Variants in ARB2A observed in about 807,000 individuals in gnomAD.
ARB2A encodes ARB2 cotranscriptional regulator A.
chr5:94,006,137 C>T, the ARB2A span, among the ~76,000 whole-genome samples: 2 of 152,154 alleles, frequency 1.3e-5, no homozygotes, highest in Non-Finnish European at 2.9e-5. Context: ...ACTCAGATGT[C>T]CACCAAGCTG....
At chr5:93,968,611 C>T in the ARB2A span, among the ~76,000 whole-genome samples, 1 of 151,780 alleles carries the variant, frequency 6.6e-6, no homozygotes, top group African/African-American at 2.4e-5. Flanking sequence ...AATGAGAATA[C>T]AAGGAGGAGA....
chr5:94,031,433 T>A, the ARB2A span, among the ~76,000 whole-genome samples: 1 of 152,144 alleles, frequency 6.6e-6, no homozygotes, highest in African/African-American at 2.4e-5. Flanking sequence ...TAGGACTTAA[T>A]AGAGGGCCAA....
the ARB2A span, among the ~76,000 whole-genome samples, chr5:93,727,703 T>C: frequency 2.6e-5 from 4 of 152,126 alleles, no homozygotes; most frequent in Admixed American, 1.3e-4. Context: ...TGTTTCATTA[T>C]ATACACTTTG....
At chr5:93,751,895 T>C in the ARB2A span, among the ~76,000 whole-genome samples, 1 of 152,044 alleles carries the variant, frequency 6.6e-6, no homozygotes, top group African/African-American at 2.4e-5. Context: ...AGTGAGCTTG[T>C]GGCTTGAGAG....
the ARB2A span, among the ~76,000 whole-genome samples, chr5:93,763,555 T>C: frequency 1.3e-5 from 2 of 152,142 alleles, no homozygotes; most frequent in Non-Finnish European, 2.9e-5. Context: ...AGCAAGTCCT[T>C]AGAGACCTAC....
chr5:93,825,749 A>G, the ARB2A span, among the ~76,000 whole-genome samples: 1 of 152,164 alleles, frequency 6.6e-6, no homozygotes, highest in Non-Finnish European at 1.5e-5. Flanking sequence ...ATTATATAGC[A>G]GAAAGTTATA....
chr5:93,967,604 G>A, the ARB2A span, among the ~76,000 whole-genome samples: 4 of 152,078 alleles, frequency 2.6e-5, no homozygotes, highest in African/African-American at 9.7e-5. Flanking sequence ...TCAACCTTAA[G>A]GGGGAGGGGA....
the ARB2A span, among the ~76,000 whole-genome samples, chr5:93,996,455 A>G: frequency 7.2e-5 from 11 of 152,086 alleles, no homozygotes; most frequent in African/African-American, 2.7e-4. Context: ...AGACAACCAG[A>G]GTGTTAAACT....
the ARB2A span, among the ~76,000 whole-genome samples, chr5:93,712,023 G>A: frequency 6.6e-6 from 1 of 152,190 alleles, no homozygotes. Flanking sequence ...ATTCCTAGCT[G>A]ACTGAGAGGA....
the ARB2A span, among the ~76,000 whole-genome samples, chr5:93,767,555 T>A: frequency 6.6e-6 from 1 of 152,062 alleles, no homozygotes; most frequent in South Asian, 2.1e-4. Flanking sequence ...AGTCATTATA[T>A]GAAAAAGATA....
the ARB2A span, among the ~76,000 whole-genome samples, chr5:93,688,253 C>T: frequency 6.6e-6 from 1 of 152,170 alleles, no homozygotes; most frequent in Non-Finnish European, 1.5e-5. Context: ...GGATTACAGG[C>T]GTAAGCCACC....
chr5:93,890,035 T>C, the ARB2A span, among the ~76,000 whole-genome samples: 2 of 151,892 alleles, frequency 1.3e-5, no homozygotes, highest in East Asian at 3.9e-4. Flanking sequence ...TTCAAATCTT[T>C]CATAGAATCT....
the ARB2A span, among the ~76,000 whole-genome samples, chr5:93,949,543 G>A: frequency 1.3e-5 from 2 of 152,098 alleles, no homozygotes; most frequent in Non-Finnish European, 2.9e-5. Flanking sequence ...CCTGGCAACA[G>A]AGCGAGAGTC....
chr5:94,039,377 G>A, the ARB2A span, among the ~76,000 whole-genome samples: 1 of 152,158 alleles, frequency 6.6e-6, no homozygotes, highest in Non-Finnish European at 1.5e-5. Flanking sequence ...AAGGAAGCTA[G>A]CCAAAACCCA....
At chr5:93,653,553 A>AAAAAAAAAAAAAAAC in the ARB2A span, among the ~76,000 whole-genome samples, 1 of 130,070 alleles carries the variant, frequency 7.7e-6, no homozygotes, top group African/African-American at 3.0e-5. Context: ...AAAAAAAAAA[A>AAAAAAAAAAAAAAAC]AAAGACATTA....
At chr5:94,083,051 C>G in the ARB2A span, among the ~76,000 whole-genome samples, 1 of 152,188 alleles carries the variant, frequency 6.6e-6, no homozygotes, top group Non-Finnish European at 1.5e-5. Context: ...CTCCTGCTTT[C>G]TACAAAATAT....
At chr5:93,852,776 G>A in the ARB2A span, among the ~76,000 whole-genome samples, 23 of 152,078 alleles carry the variant, frequency 1.5e-4, no homozygotes, top group South Asian at 6.2e-4. Context: ...GATATGCGGC[G>A]TTATTTCTGA....
chr5:93,913,632 T>C, the ARB2A span, among the ~76,000 whole-genome samples: 1 of 151,970 alleles, frequency 6.6e-6, no homozygotes, highest in Non-Finnish European at 1.5e-5. Flanking sequence ...ATATCCTAAG[T>C]TCAGAACTCT....
the ARB2A span, among the ~76,000 whole-genome samples, chr5:93,819,042 C>T: frequency 2.0e-5 from 3 of 151,210 alleles, no homozygotes; most frequent in Non-Finnish European, 4.4e-5. Context: ...AAAAATTAGC[C>T]GGGCATGGTG....
Sources: gnomAD v4.1 joint callset for allele counts (sites outside exome capture counted in the v4.1 genomes callset) on GRCh38, gnomAD v4.1.1 for gene constraint, MANE v1.5 for transcripts, NCBI Gene and HGNC (gene_info 2026-07-23, HGNC 2026-07-21) for gene names.